Variants in WWP1 observed in about 807,000 individuals in gnomAD.
WWP1 encodes the protein WW domain containing E3 ubiquitin protein ligase 1, also known as NEDD4-like E3 ubiquitin-protein ligase WWP1.
A neutral mutation model predicts 130.6 loss-of-function variants in WWP1; 49 were observed. The ratio of observed to expected loss-of-function variants is 0.38; its 90% CI spans 0.30 to 0.48. The LOEUF (loss-of-function observed/expected upper bound fraction) is 0.48, where lower values mean the gene tolerates loss of function less well. Among genes scored for constraint, WWP1 ranks in the 20% least tolerant of loss-of-function variants. The pLI, the probability that WWP1 is intolerant of heterozygous loss-of-function variation, is 0.99. For synonymous variants in WWP1, 332 were observed against 367.8 expected (o/e 0.90, Z 1.11); for missense variants, 809 against 1,100.6 (o/e 0.74, Z 3.75).
intron 8 of WWP1, among the ~76,000 whole-genome samples, chr8:86,410,934 C>G (rs770839042): frequency 5.3e-5 from 8 of 152,220 alleles, no homozygotes; most frequent in Middle Eastern, 3.4e-3. Flanking sequence ...TTCACCCTTA[C>G]AGTTTTAATT....
In WWP1 at chr8:86,467,382, T is replaced by G. The variant is rs1812233235; in HGVS notation, c.*489T>G. ...GGTATTAAGGGCTTAGGCCAAATCT[T>G]ACTTTGAGTATGTTAAAAAAAAAAA... On this transcript the variant is annotated 3_prime_UTR_variant, in exon 25 of 25. Transcript: ENST00000517970. The G allele has an allele frequency of 6.6e-6, 1 of 152,440 alleles. No homozygotes were observed. The highest frequency in any genetic ancestry group is 2.1e-4 in the South Asian group (1 of 4,826). The allele number at this position is 152,440 out of a possible 1,614,324, so 9.4% of individuals were successfully genotyped here.
At chr8:86,366,711 C>A (rs1227742413) in intron 1 of WWP1, among the ~76,000 whole-genome samples, 2 of 152,232 alleles carry the variant, frequency 1.3e-5, no homozygotes, top group East Asian at 3.9e-4. Flanking sequence ...TTACACTGTT[C>A]ACTAGGATTA....
At chr8:86,426,648 G>C (rs1025135939) in intron 10 of WWP1, among the ~76,000 whole-genome samples, 1 of 152,166 alleles carries the variant, frequency 6.6e-6, no homozygotes, top group African/African-American at 2.4e-5. Flanking sequence ...TGAAAATGTG[G>C]ACAATTCATT....
At chr8:86,373,111 A>C (rs1322297703) in intron 2 of WWP1, among the ~76,000 whole-genome samples, 1 of 141,592 alleles carries the variant, frequency 7.1e-6, no homozygotes, top group Non-Finnish European at 1.5e-5. Context: ...GTTTCTTTTG[A>C]TTCACTAAAT....
At chr8:86,353,924 A>G (rs981872846) in intron 1 of WWP1, among the ~76,000 whole-genome samples, 10 of 152,252 alleles carry the variant, frequency 6.6e-5, no homozygotes, top group Non-Finnish European at 1.5e-4. Context: ...CAGAACGTAT[A>G]TATTATACTT....
chr8:86,435,581 C>T (rs1054581042), intron 15 of WWP1, 52 bp from the exon 16 acceptor site: 3 of 1,611,480 alleles, frequency 1.9e-6, no homozygotes, highest in African/African-American at 2.7e-5. Flanking sequence ...TCTCTTTATA[C>T]AATACATATA....
chr8:86,408,337 G>T (rs1014935601), intron 8 of WWP1, among the ~76,000 whole-genome samples: 1 of 152,116 alleles, frequency 6.6e-6, no homozygotes, highest in Non-Finnish European at 1.5e-5. Flanking sequence ...AGGCTCTTAC[G>T]TGAATATAAG....
At chr8:86,437,630 G>C (rs1810364271) in intron 16 of WWP1, among the ~76,000 whole-genome samples, 1 of 152,012 alleles carries the variant, frequency 6.6e-6, no homozygotes, top group Non-Finnish European at 1.5e-5. Context: ...ACAACACAGG[G>C]GCTAGGGGTG....
intron 1 of WWP1, among the ~76,000 whole-genome samples, chr8:86,347,931 T>C (rs1425428451): frequency 6.6e-6 from 1 of 152,128 alleles, no homozygotes; most frequent in African/African-American, 2.4e-5. Flanking sequence ...AACAGAAACA[T>C]TCACTGGAGT....
At chr8:86,429,497 T>TA (rs1809818991) in intron 11 of WWP1, among the ~76,000 whole-genome samples, 1 of 152,230 alleles carries the variant, frequency 6.6e-6, no homozygotes, top group Non-Finnish European at 1.5e-5. Flanking sequence ...TTGTCATTAT[T>TA]ATAGAATTCT....
chr8:86,452,757 T>G, intron 21 of WWP1, 78 bp downstream of exon 21: 1 of 1,533,378 alleles, frequency 6.5e-7, no homozygotes, highest in Non-Finnish European at 8.8e-7. Context: ...CAGAACAGTG[T>G]TCACACATTT....
chr8:86,397,992 T>A (rs1204912006), intron 5 of WWP1, among the ~76,000 whole-genome samples: 1 of 152,184 alleles, frequency 6.6e-6, no homozygotes, highest in Non-Finnish European at 1.5e-5. Flanking sequence ...GAACTGGAAT[T>A]TGAAACCAAA....
chr8:86,346,483 G>A (rs560704295), intron 1 of WWP1, among the ~76,000 whole-genome samples: 108 of 152,202 alleles, frequency 7.1e-4, no homozygotes, highest in Middle Eastern at 3.4e-3. Context: ...TTTTCTTTCA[G>A]GAAGCCTTTA....
At chr8:86,420,645 A>G (rs73688832) in intron 9 of WWP1, among the ~76,000 whole-genome samples, 7 of 152,346 alleles carry the variant, frequency 4.6e-5, no homozygotes, top group African/African-American at 1.7e-4. Flanking sequence ...AAATACCAAA[A>G]AAATGGACTG....
intron 5 of WWP1, chr8:86,386,999 A>T (rs1825323435): frequency 6.6e-6 from 1 of 152,172 alleles, no homozygotes; most frequent in Admixed American, 6.5e-5. Flanking sequence ...CACTCACTCA[A>T]GTCCTTTTAT....
At chr8:86,395,113 C>T (rs1284698549) in intron 5 of WWP1, among the ~76,000 whole-genome samples, 1 of 152,034 alleles carries the variant, frequency 6.6e-6, no homozygotes, top group South Asian at 2.1e-4. Context: ...TTGGGCGTAC[C>T]ATCAAACCAC....
At chr8:86,440,817 T>C in intron 17 of WWP1, 1 of 371,272 alleles carries the variant, frequency 2.7e-6, no homozygotes, top group South Asian at 2.2e-5. Flanking sequence ...CCATTTTATT[T>C]TGATTTTTCT....
chr8:86,357,541 T>C (rs928741209), intron 1 of WWP1, among the ~76,000 whole-genome samples: 1 of 152,222 alleles, frequency 6.6e-6, no homozygotes, highest in Non-Finnish European at 1.5e-5. Flanking sequence ...GTAGCAAATA[T>C]GTATTAAACA....
intron 16 of WWP1, among the ~76,000 whole-genome samples, chr8:86,436,893 C>T (rs1305478959): frequency 6.6e-6 from 1 of 151,930 alleles, no homozygotes; most frequent in Non-Finnish European, 1.5e-5. Flanking sequence ...GAATTTCAAA[C>T]CATAGCTTAA....
Sources: gnomAD v4.1 joint callset for allele counts (sites outside exome capture counted in the v4.1 genomes callset) on GRCh38, gnomAD v4.1.1 for gene constraint, MANE v1.5 for transcripts, NCBI Gene and HGNC (gene_info 2026-07-23, HGNC 2026-07-21) for gene names.